PCMT1: variants seen among roughly 807,000 people sequenced by gnomAD.
The protein encoded by PCMT1 is protein-L-isoaspartate (D-aspartate) O-methyltransferase, also known as protein-L-isoaspartate(D-aspartate) O-methyltransferase.
Under a neutral mutation model 29.2 loss-of-function variants are expected in PCMT1, and 9 were observed. The observed-to-expected ratio is 0.31, with a 90% CI of 0.19 to 0.54. PCMT1 has a LOEUF of 0.54. Among genes scored for constraint, PCMT1 ranks in the 20% least tolerant of loss-of-function variants. The pLI is 0.95. For synonymous variants in PCMT1, 98 were observed against 97.5 expected (o/e 1.00, Z -0.03); for missense variants, 184 against 282.2 (o/e 0.65, Z 2.49).
At chr6:149,769,037 T>C (rs1222675669) in intron 1 of PCMT1, among the ~76,000 whole-genome samples, 1 of 152,216 alleles carries the variant, frequency 6.6e-6, no homozygotes, top group Non-Finnish European at 1.5e-5. Context: ...ATATGTTTAC[T>C]CCCTGGCACA....
At chr6:149,753,396 G>A (rs527816878) in intron 1 of PCMT1, among the ~76,000 whole-genome samples, 10 of 151,746 alleles carry the variant, frequency 6.6e-5, no homozygotes, top group Admixed American at 2.0e-4. Context: ...GCAATGGCAC[G>A]ATCTCAGCTC....
At chr6:149,755,568 T>C (rs1786473733) in intron 1 of PCMT1, among the ~76,000 whole-genome samples, 1 of 152,218 alleles carries the variant, frequency 6.6e-6, no homozygotes, top group Non-Finnish European at 1.5e-5. Context: ...AAGCAATTGT[T>C]CTTTTATCTA....
At chr6:149,758,807 C>T (rs974254656) in intron 1 of PCMT1, among the ~76,000 whole-genome samples, 1 of 152,160 alleles carries the variant, frequency 6.6e-6, no homozygotes, top group Non-Finnish European at 1.5e-5. Flanking sequence ...AAAATAATCT[C>T]TGGTACTTAG....
At chr6:149,801,054 T>A (rs1775811738) in intron 6 of PCMT1, among the ~76,000 whole-genome samples, 1 of 152,152 alleles carries the variant, frequency 6.6e-6, no homozygotes, top group African/African-American at 2.4e-5. Context: ...GATAGTTGAG[T>A]AATAATATAA....
At chr6:149,804,573 G>A (rs570536288) in intron 7 of PCMT1, among the ~76,000 whole-genome samples, 69 of 151,198 alleles carry the variant, frequency 4.6e-4, no homozygotes, top group Non-Finnish European at 6.1e-4. Context: ...TAGAGCAGTG[G>A]TGCAATCTCA....
At chr6:149,765,112 C>T (rs1171668190) in intron 1 of PCMT1, among the ~76,000 whole-genome samples, 2 of 150,758 alleles carry the variant, frequency 1.3e-5, no homozygotes, top group Non-Finnish European at 2.9e-5. Context: ...GTAATCCTAG[C>T]ACTTTGGGAG....
At position 149,771,245 on chromosome 6, in the gene PCMT1, A is replaced by G; in HGVS notation, c.139A>G (p.Met47Val). The G allele has an allele frequency of 1.2e-6, 2 of 1,600,332 alleles. No homozygotes were observed. The highest frequency in any genetic ancestry group is 1.7e-6 in the Non-Finnish European group (2 of 1,167,814). Residue 47 changes from methionine to valine, a missense_variant, in exon 2 of 8, where the codon ATG becomes GTG. Transcript: ENST00000464889. ...RSHYAKCNPY[M>V]DSPQSIGFQA... ...CCACTATGCAAAATGTAACCCATAC[A>G]TGGATTCTCCACAATCAATAGGTAA...
At position 149,810,617 on chromosome 6, in the gene PCMT1, G is replaced by A; in HGVS notation, c.*39G>A. The A allele has an allele frequency of 6.5e-7, 1 of 1,547,508 alleles. No homozygotes were observed. The highest frequency in any genetic ancestry group is 8.7e-7 in the Non-Finnish European group (1 of 1,144,602). On this transcript the variant is annotated splice_region_variant and 3_prime_UTR_variant, in exon 8 of 8. Transcript: ENST00000464889. ...TATTTCTCTCTTTTTTCCTCACAGG[G>A]ATGAATTGTAAAAGCAACATCAGCT...
At chr6:149,772,131 T>C (rs563788811) in intron 2 of PCMT1, 10 of 456,652 alleles carry the variant, frequency 2.2e-5, no homozygotes, top group Non-Finnish European at 3.5e-5. Flanking sequence ...GCTGCCATGC[T>C]ATCTTCTTTT....
chr6:149,768,647 G>T (rs1429284434), intron 1 of PCMT1, among the ~76,000 whole-genome samples: 2 of 150,984 alleles, frequency 1.3e-5, no homozygotes, highest in African/African-American at 4.9e-5. Context: ...TTTTTTTAAA[G>T]ACAGAGCCTC....
At chr6:149,755,432 A>G (rs1786468935) in intron 1 of PCMT1, among the ~76,000 whole-genome samples, 1 of 152,032 alleles carries the variant, frequency 6.6e-6, no homozygotes, top group African/African-American at 2.4e-5. Context: ...GTCTCAAAAA[A>G]AAAAAAATGT....
chr6:149,755,172 G>A (rs1003377653), intron 1 of PCMT1, among the ~76,000 whole-genome samples: 2 of 152,282 alleles, frequency 1.3e-5, no homozygotes, highest in Non-Finnish European at 2.9e-5. Flanking sequence ...TTGGGAGGCT[G>A]AGTCAGGAGG....
At chr6:149,757,847 G>T (rs1368890213) in intron 1 of PCMT1, among the ~76,000 whole-genome samples, 1 of 151,854 alleles carries the variant, frequency 6.6e-6, no homozygotes, top group East Asian at 1.9e-4. Context: ...TTTTTCCCCA[G>T]TGGTCCCTTG....
At chr6:149,782,131 C>G (rs1284389725) in intron 3 of PCMT1, among the ~76,000 whole-genome samples, 3 of 152,094 alleles carry the variant, frequency 2.0e-5, no homozygotes, top group Non-Finnish European at 4.4e-5. Flanking sequence ...ATAAGGAAAA[C>G]TTGTGTATCT....
chr6:149,795,026 C>T, intron 5 of PCMT1: 1 of 355,300 alleles, frequency 2.8e-6, no homozygotes, highest in Non-Finnish European at 5.5e-6. Context: ...AACCCCGTCT[C>T]TACTAAAAAT....
chr6:149,789,678 G>A (rs1788272544), intron 3 of PCMT1, among the ~76,000 whole-genome samples: 1 of 151,756 alleles, frequency 6.6e-6, no homozygotes, highest in Non-Finnish European at 1.5e-5. Context: ...GTAGGGTGGA[G>A]ACTTTTCACT....
intron 3 of PCMT1, among the ~76,000 whole-genome samples, chr6:149,784,473 C>G (rs955363150): frequency 6.6e-6 from 1 of 151,658 alleles, no homozygotes; most frequent in African/African-American, 2.4e-5. Context: ...ATTTAACTCT[C>G]TCTTTTTTTT....
chr6:149,778,895 A>G (rs1159476401), intron 3 of PCMT1, among the ~76,000 whole-genome samples: 2 of 152,300 alleles, frequency 1.3e-5, no homozygotes, highest in South Asian at 4.1e-4. Context: ...TACCTATTCA[A>G]TAAGTGATTA....
rs71709110 is a variant in PCMT1, at chr6:149,773,350, AGTTTTGTTTT to A, written c.192+217_192+226del. Reference sequence around the variant, plus strand: ...TTCTTAATACAGGGTCTGTAGAAGGAGTTTTGTTTTGTTTTGTTTTGTTTTGTTTTGTTTT... The same window carrying A: ...TTCTTAATACAGGGTCTGTAGAAGGAGTTTTGTTTTGTTTTGTTTTGTTTT... On this transcript the variant is annotated intron_variant, in intron 3 of 7. Transcript: ENST00000464889. Among the ~76,000 whole-genome samples the A allele has an allele frequency of 6.2e-3, 938 of 150,848 alleles. 7 individuals are homozygous for A. The highest frequency in any genetic ancestry group is 0.017 in the African/African-American group (710 of 40,860).
Sources: gnomAD v4.1 joint callset for allele counts (sites outside exome capture counted in the v4.1 genomes callset) on GRCh38, gnomAD v4.1.1 for gene constraint, MANE v1.5 for transcripts, NCBI Gene and HGNC (gene_info 2026-07-23, HGNC 2026-07-21) for gene names.